The following C8B variants were observed in gnomAD, a reference collection of about 807,000 sequenced individuals.
C8B encodes the protein complement C8 beta chain, also known as complement component C8 beta chain.
In C8B, 67 loss-of-function variants were observed where a neutral mutation model predicts 64.6. The ratio of observed to expected loss-of-function variants is 1.04; its 90% CI spans 0.85 to 1.27. C8B has a LOEUF of 1.27. Among genes scored for constraint, C8B ranks in the 50% most tolerant of loss-of-function variants. C8B has a pLI of 0.00. For missense variants in C8B, 790 were observed against 725.2 expected (o/e 1.09, Z -1.03); for synonymous variants, 284 against 257.7 (o/e 1.10, Z -0.98).
intron 9 of C8B, among the ~76,000 whole-genome samples, chr1:56,934,209 AG>A (rs1266824104): frequency 1.4e-5 from 2 of 147,952 alleles, no homozygotes; most frequent in African/African-American, 5.0e-5. Flanking sequence ...CCCAGAGATC[AG>A]GGCAATGTCT....
Position 56,940,968 on chromosome 1 carries a change from C to G in C8B, c.1279G>C (p.Val427Leu), listed in dbSNP as rs1557730898. 1 of 1,614,088 alleles carries G rather than the reference C, an allele frequency of 6.2e-7. No homozygotes were observed. Among genetic ancestry groups the G allele is most frequent in the Non-Finnish European group, 8.5e-7 (1 of 1,180,014 alleles). The change falls in exon 9 of 12, where the codon GTA becomes CTA. Residue 427 changes from valine to leucine, a missense_variant. Val to Leu is a conservative substitution (Grantham distance 32). Transcript: ENST00000371237. Reference protein sequence around the residue: ...DTMVEDLVVLVRGGASEHITT... With the variant: ...DTMVEDLVVLLRGGASEHITT... Reference sequence around the variant, plus strand: ...ATGTGCTCACTTGCCCCTCCTCGTACCAGGACCACCAAGTCCTCCACCATG... The same window carrying G: ...ATGTGCTCACTTGCCCCTCCTCGTAGCAGGACCACCAAGTCCTCCACCATG...
At chr1:56,935,543 C>G (rs1238484759) in intron 9 of C8B, among the ~76,000 whole-genome samples, 3 of 152,172 alleles carry the variant, frequency 2.0e-5, no homozygotes, top group African/African-American at 7.2e-5. Context: ...CGACTAAACT[C>G]TACACAAGTT....
chr1:56,956,823 T>C lies in C8B; in HGVS notation c.337A>G (p.Asn113Asp), dbSNP rs763243467. 6.2e-7 allele frequency: 1 copy of C among 1,614,124 alleles called. No homozygotes were observed. The highest frequency in any genetic ancestry group is 8.5e-7 in the Non-Finnish European group (1 of 1,180,006). ...CGCACTTGACTTCCGCATGGTCTGT[T>C]GGTAACACAGTCTTCGACTTCCTTG... ...SDKEVEDCVT[N>D]RPCGSQVRCE... Residue 113 changes from asparagine (N) to aspartate (D), a missense_variant, in exon 3 of 12, where the codon AAC becomes GAC. By Grantham distance (23) the Asn-to-Asp change is conservative. Coordinates refer to ENST00000371237, the MANE Select transcript of C8B (RefSeq NM_000066.4).
rs528349923 is a variant in C8B, at chr1:56,959,456, G to T, written c.249+564C>A. 1.7e-5 allele frequency: 15 copies of T among 898,884 alleles called. No homozygotes were observed. The African/African-American group carries it at 2.1e-4, about 13-fold the overall frequency. 55.7% of individuals were successfully genotyped at this position (898,884 alleles called of 1,614,324 possible). On this transcript the variant is annotated intron_variant, in intron 2 of 11. Coordinates refer to ENST00000371237, the MANE Select transcript of C8B (RefSeq NM_000066.4). ...GAGTCAAAAAGCTTTCTCAAAAGAG[G>T]CAGCTCCTGAGTAGGAGTTTCAAAT...
chr1:56,932,765 G>C (rs940432376), intron 10 of C8B, among the ~76,000 whole-genome samples: 1 of 152,082 alleles, frequency 6.6e-6, no homozygotes, highest in South Asian at 2.1e-4. Context: ...CTTCATCCAC[G>C]TGGGCTCTGC....
At chr1:56,944,863 T>C (rs1644918413) in intron 7 of C8B, among the ~76,000 whole-genome samples, 1 of 152,246 alleles carries the variant, frequency 6.6e-6, no homozygotes, top group African/African-American at 2.4e-5. Context: ...CACTGCAATC[T>C]GTGTGACCTA....
intron 5 of C8B, among the ~76,000 whole-genome samples, chr1:56,951,102 A>T (rs1645014596): frequency 1.3e-5 from 2 of 152,200 alleles, no homozygotes; most frequent in African/African-American, 4.8e-5. Flanking sequence ...TTTTAAAGAC[A>T]GGATCTTGCT....
chr1:56,946,000 C>T lies in C8B; in HGVS notation c.926G>A (p.Arg309Lys). 6.2e-7 allele frequency: 1 copy of T among 1,614,116 alleles called. No homozygotes were observed. Among genetic ancestry groups the T allele is most frequent in the South Asian group, 1.1e-5 (1 of 91,074 alleles). Residue 309 changes from arginine (R) to lysine (K), a missense_variant, in exon 7 of 12, where the codon AGA (arginine) becomes AAA (lysine). Coordinates refer to ENST00000371237, the MANE Select transcript of C8B (RefSeq NM_000066.4). The stretch of plus-strand genomic sequence containing the variant: ...GAACTCGTAATGGAGCATGAGGCTT[C>T]TGGGTTTCAGCTTGTAATGTGCTAC... ...LEVAHYKLKP[R>K]SLMLHYEFLQ...
At chr1:56,964,064 G>A (rs2101477992) in intron 1 of C8B, 1 of 945,698 alleles carries the variant, frequency 1.1e-6, no homozygotes, top group Non-Finnish European at 1.3e-6. Flanking sequence ...TCAGGTAAGG[G>A]TTTGAAAACC....
intron 9 of C8B, among the ~76,000 whole-genome samples, chr1:56,935,215 G>A (rs1644759183): frequency 6.6e-6 from 1 of 152,090 alleles, no homozygotes; most frequent in South Asian, 2.1e-4. Context: ...CTCCCTCCTA[G>A]GCTTCTCCAA....
chr1:56,954,535 A>G, intron 4 of C8B, 151 bp downstream of exon 4: 1 of 1,060,794 alleles, frequency 9.4e-7, no homozygotes, highest in Non-Finnish European at 1.4e-6. Context: ...CTGCCCTCAG[A>G]GAGCAACCGG....
intron 1 of C8B, among the ~76,000 whole-genome samples, chr1:56,965,578 G>A (rs78501968): frequency 0.039 from 5,909 of 152,144 alleles, 149 homozygotes; most frequent in Middle Eastern, 0.079. Context: ...ATCACACGGA[G>A]GCTTTGTTCA....
chr1:56,933,008 A>G (rs1218360511), intron 10 of C8B, among the ~76,000 whole-genome samples: 1 of 151,954 alleles, frequency 6.6e-6, no homozygotes, highest in African/African-American at 2.4e-5. Context: ...TGCTACCCCC[A>G]AATCTTCTTA....
At chr1:56,949,091 T>C (rs901007690) in intron 6 of C8B, among the ~76,000 whole-genome samples, 6 of 152,112 alleles carry the variant, frequency 3.9e-5, no homozygotes, top group Non-Finnish European at 5.9e-5. Flanking sequence ...ATAGACACAT[T>C]TGGGGCATGT....
At chr1:56,951,995 C>T (rs1039322789) in intron 5 of C8B, 53 bp downstream of exon 5, 4 of 1,611,242 alleles carry the variant, frequency 2.5e-6, no homozygotes, top group South Asian at 2.2e-5. Flanking sequence ...ATGGACCCTG[C>T]TAACTGGGTG....
intron 9 of C8B, among the ~76,000 whole-genome samples, chr1:56,940,204 G>A (rs1015989516): frequency 1.3e-5 from 2 of 151,790 alleles, no homozygotes; most frequent in Non-Finnish European, 1.5e-5. Context: ...GAAATAAAAG[G>A]AATATTAATT....
intron 11 of C8B, among the ~76,000 whole-genome samples, 187 bp from the exon 12 acceptor site, chr1:56,929,745 C>G (rs1410103197): frequency 6.6e-6 from 1 of 152,026 alleles, no homozygotes; most frequent in Non-Finnish European, 1.5e-5. Flanking sequence ...ATATGCTTTC[C>G]CCCCTGTGCC....
rs1211803363 is a variant in C8B at position 56,943,722 on chromosome 1, C to T, written c.1208G>A (p.Cys403Tyr). 6.2e-7 allele frequency: 1 copy of T among 1,614,086 alleles called. No homozygotes were observed. The highest frequency in any genetic ancestry group is 1.1e-5 in the South Asian group (1 of 91,074). Residue 403 changes from cysteine (C) to tyrosine (Y), a missense_variant, in exon 8 of 12, where the codon TGC becomes TAC. Physicochemically the swap from Cys to Tyr is radical, Grantham distance 194. Transcript: ENST00000371237. ...YVSLGVSVGK[C>Y]RGILNEIKDR... ...TTTTATTTCATTCAGAATACCTCTG[C>T]ATTTGCCTACAGACACACCCAGACT... is the stretch of plus-strand genomic sequence containing the variant.
intron 2 of C8B, among the ~76,000 whole-genome samples, chr1:56,959,226 C>G (rs185701235): frequency 2.6e-5 from 4 of 152,296 alleles, no homozygotes; most frequent in Admixed American, 6.5e-5. Flanking sequence ...GATCAAACAC[C>G]ACATATTTAT....
Sources: gnomAD v4.1 joint callset for allele counts (sites outside exome capture counted in the v4.1 genomes callset) on GRCh38, gnomAD v4.1.1 for gene constraint, MANE v1.5 for transcripts, NCBI Gene and HGNC (gene_info 2026-07-23, HGNC 2026-07-21) for gene names.